Variants in CRAT observed in about 807,000 individuals in gnomAD.
CRAT encodes the protein carnitine acetylase.
A neutral mutation model predicts 73.7 loss-of-function variants in CRAT; 66 were observed. The observed-to-expected ratio is 0.90, with a 90% CI of 0.73 to 1.10. The LOEUF (loss-of-function observed/expected upper bound fraction) is 1.10. Among genes scored for constraint, CRAT ranks in the 50% least tolerant of loss-of-function variants. The pLI, the probability that CRAT is intolerant of heterozygous loss-of-function variation, is 0.00. For synonymous variants in CRAT, 321 were observed against 343.2 expected (o/e 0.94, Z 0.71); for missense variants, 745 against 846.9 (o/e 0.88, Z 1.49).
At position 129,100,569 on chromosome 9, in the gene CRAT, AG is replaced by A. The variant is rs1278896564; in HGVS notation, c.925del (p.Leu309CysfsTer95). The A allele has an allele frequency of 6.2e-7, 1 of 1,613,938 alleles. No individual in the cohort carries two copies. The highest frequency in any genetic ancestry group is 8.5e-7 in the Non-Finnish European group (1 of 1,179,990). On this transcript the variant is annotated frameshift_variant, in exon 7 of 14. Transcript: ENST00000318080. LOFTEE classifies it high-confidence loss of function. ...GTTGAGCCTGCTGCCGCCCCCATGC[AG>A]CATCTGGCCTGCCACGTGGCTGCGG... ...VYRSHVAGQM[L>X]HGGGSRLNSG...
chr9:129,102,604 G>A, intron 4 of CRAT, 39 bp from the exon 5 acceptor site: 2 of 1,609,050 alleles, frequency 1.2e-6, no homozygotes, highest in Admixed American at 3.3e-5. Flanking sequence ...CACTGGGCAA[G>A]TGAATGGGGA....
chr9:129,110,700 C>A lies in CRAT; in HGVS notation c.-191G>T, dbSNP rs1269594639. ...CTGGGCCGAGCGGGCTGCGGGAAGG[C>A]ACCCGGGGAGGAGGACTCGCGAGGC... On this transcript the variant is annotated 5_prime_UTR_variant, in exon 1 of 14. Coordinates refer to ENST00000318080, the MANE Select transcript of CRAT (RefSeq NM_000755.5). This position sits in a 1 kb window ranked among gnomAD's most constrained non-coding sequence, Gnocchi z 5.3. 1.5e-6 allele frequency: 1 copy of A among 687,632 alleles called. No individual in the cohort carries two copies. Among genetic ancestry groups the A allele is most frequent in the Non-Finnish European group, 2.2e-6 (1 of 449,578 alleles). The allele number at this position is 687,632 out of a possible 1,614,324, so 42.6% of individuals were successfully genotyped here.
intron 2 of CRAT, among the ~76,000 whole-genome samples, chr9:129,104,704 A>C (rs1847894072): frequency 6.6e-6 from 1 of 151,014 alleles, no homozygotes; most frequent in Non-Finnish European, 1.5e-5. Context: ...TCCTGGGTTC[A>C]CGCCATTCTC....
Position 129,104,235 on chromosome 9 carries a change from G to C in CRAT, c.363C>G (p.Gly121=). The change falls in exon 3 of 14, where the codon GGC becomes GGG. Residue 121 remains glycine, a synonymous_variant. Coordinates refer to ENST00000318080, the MANE Select transcript of CRAT (RefSeq NM_000755.5). ...RQPVVIYSSP[G]VMLPKQDFVD... is the part of the protein sequence containing the mutation. ...CGAAGTCCTGCTTGGGTAGCATCAC[G>C]CCTGGGCTCGAGTAGATGACCACAG... The C allele has an allele frequency of 6.2e-7, 1 of 1,613,046 alleles. No individual in the cohort carries two copies. Among genetic ancestry groups the C allele is most frequent in the Non-Finnish European group, 8.5e-7 (1 of 1,179,608 alleles).
Position 129,098,570 on chromosome 9 carries a change from A to G in CRAT, c.1166T>C (p.Ile389Thr), listed in dbSNP as rs966504143. 6.2e-7 allele frequency: 1 copy of G among 1,601,418 alleles called. No homozygotes were observed. The highest frequency in any genetic ancestry group is 1.1e-5 in the South Asian group (1 of 88,986). Reference sequence around the variant, plus strand: ...CTTGGCCTTCTCGATGTCGCTCTTGATCTCGGGGGTGATGTTGAACCGCAG... The same window carrying G: ...CTTGGCCTTCTCGATGTCGCTCTTGGTCTCGGGGGTGATGTTGAACCGCAG... ...KKLRFNITPEIKSDIEKAKQN... is the reference protein window; with the variant it reads ...KKLRFNITPETKSDIEKAKQN... Residue 389 changes from isoleucine to threonine, a missense_variant, in exon 9 of 14, where the codon ATC becomes ACC. Ile to Thr is a moderately conservative substitution (Grantham distance 89). Coordinates refer to ENST00000318080, the MANE Select transcript of CRAT (RefSeq NM_000755.5).
chr9:129,104,804 C>G lies in CRAT; in HGVS notation c.292-498G>C, dbSNP rs1450749447. Reference sequence around the variant, plus strand: ...TATTTTTAGTAGAGACGGGGTTTCACCGTGTTAGCCAGGATGGTCTCGATT... The same window carrying G: ...TATTTTTAGTAGAGACGGGGTTTCAGCGTGTTAGCCAGGATGGTCTCGATT... On this transcript the variant is annotated intron_variant, in intron 2 of 13. Coordinates refer to ENST00000318080, the MANE Select transcript of CRAT (RefSeq NM_000755.5). Among the ~76,000 whole-genome samples, 3 of 151,354 alleles carry G rather than the reference C, an allele frequency of 2.0e-5. No homozygotes were observed. In the East Asian group the frequency reaches 5.8e-4, roughly 29 times the overall value.
Position 129,104,382 on chromosome 9 carries a change from T to G in CRAT, c.292-76A>C, listed in dbSNP as rs925387600. 11 of 1,208,758 alleles carry G rather than the reference T, an allele frequency of 9.1e-6. No homozygotes were observed. In the African/African-American group the frequency reaches 1.5e-4, roughly 17 times the overall value. 74.9% of individuals were successfully genotyped at this position (1,208,758 alleles called of 1,614,324 possible). ...CCCTGTTCCCCAGGGCTAGGGGACCTGGCTGGCCCCCATGCCCTCTACCTG... is the reference window on the plus strand; with the variant it reads ...CCCTGTTCCCCAGGGCTAGGGGACCGGGCTGGCCCCCATGCCCTCTACCTG... On this transcript the variant is annotated intron_variant, in intron 2 of 13. Transcript: ENST00000318080.
rs961291070 is a variant in CRAT at position 129,106,513 on chromosome 9, G to A, written c.291+1301C>T. Among the ~76,000 whole-genome samples the A allele has an allele frequency of 2.0e-5, 3 of 152,118 alleles. No individual in the cohort carries two copies. Among genetic ancestry groups the A allele is most frequent in the Non-Finnish European group, 4.4e-5 (3 of 68,004 alleles). ...GAGACCCTTCGGTGGCCCCGTGAGT[G>A]GAAGGAGGGGTGCCCCCACCCCTTT... is the stretch of plus-strand genomic sequence containing the variant. On this transcript the variant is annotated intron_variant, in intron 2 of 13. Coordinates refer to ENST00000318080, the MANE Select transcript of CRAT (RefSeq NM_000755.5). This position sits in a 1 kb window ranked among gnomAD's most constrained non-coding sequence, Gnocchi z 4.0.
intron 2 of CRAT, among the ~76,000 whole-genome samples, chr9:129,104,806 G>A (rs999381048): frequency 8.9e-4 from 134 of 151,056 alleles, no homozygotes; most frequent in South Asian, 1.5e-3. Flanking sequence ...GGGTTTCACC[G>A]TGTTAGCCAG....
Position 129,095,334 on chromosome 9 carries a change from T to G in CRAT, c.*63A>C. 6.5e-7 allele frequency: 1 copy of G among 1,546,156 alleles called. No homozygotes were observed. The highest frequency in any genetic ancestry group is 8.8e-7 in the Non-Finnish European group (1 of 1,132,896). On this transcript the variant is annotated 3_prime_UTR_variant, in exon 14 of 14. Coordinates refer to ENST00000318080, the MANE Select transcript of CRAT (RefSeq NM_000755.5). Reference sequence around the variant, plus strand: ...AAGAGGGAACCAAGGAGCTGAGCCCTGGTGGGTGGCCCATCCCAGGGTGGG... The same window carrying G: ...AAGAGGGAACCAAGGAGCTGAGCCCGGGTGGGTGGCCCATCCCAGGGTGGG...
Position 129,110,057 on chromosome 9 carries a change from C to A in CRAT, c.27+426G>T, listed in dbSNP as rs1342832988. Among the ~76,000 whole-genome samples, 1 of 152,172 alleles carries A rather than the reference C, an allele frequency of 6.6e-6. No individual in the cohort carries two copies. Among genetic ancestry groups the A allele is most frequent in the African/African-American group, 2.4e-5 (1 of 41,446 alleles). On this transcript the variant is annotated intron_variant, in intron 1 of 13. Transcript: ENST00000318080. The surrounding 1 kb of genome is among the most constrained non-coding windows in gnomAD (Gnocchi z 5.3). The stretch of plus-strand genomic sequence containing the variant: ...CCACACACAATTCCCCAGGGACCGT[C>A]TGATAAACCAAAGGAGTGTGACCAA...
Position 129,110,631 on chromosome 9 carries a change from G to T in CRAT, c.-122C>A. ...CTAGAGCCTTCGGGCCAAGGTCGCT[G>T]AGTTACAGCCGCCAGCCGGTAGAGG... On this transcript the variant is annotated 5_prime_UTR_variant, in exon 1 of 14. Coordinates refer to ENST00000318080, the MANE Select transcript of CRAT (RefSeq NM_000755.5). This position sits in a 1 kb window ranked among gnomAD's most constrained non-coding sequence, Gnocchi z 5.3. The T allele has an allele frequency of 1.7e-6, 2 of 1,194,938 alleles. No homozygotes were observed. Among genetic ancestry groups the T allele is most frequent in the Non-Finnish European group, 2.2e-6 (2 of 904,314 alleles). 74.0% of individuals were successfully genotyped at this position (1,194,938 alleles called of 1,614,324 possible).
Position 129,103,674 on chromosome 9 carries a change from A to T in CRAT, c.410+514T>A, listed in dbSNP as rs113189926. 6.6e-6 allele frequency among the ~76,000 whole-genome samples: 1 copy of T among 152,058 alleles called. No individual in the cohort carries two copies. Among genetic ancestry groups the T allele is most frequent in the Non-Finnish European group, 1.5e-5 (1 of 67,976 alleles). ...CTGGGCCTGAACCCCGGCCCTTCCC[A>T]GGGTACCCTGGTCCCTTTAAGAGAA... On this transcript the variant is annotated intron_variant, in intron 3 of 13. Transcript: ENST00000318080. The surrounding 1 kb of genome is among the most constrained non-coding windows in gnomAD (Gnocchi z 4.6).
chr9:129,102,435 G>A lies in CRAT; in HGVS notation c.595C>T (p.Pro199Ser). 6.2e-7 allele frequency: 1 copy of A among 1,614,204 alleles called. No individual in the cohort carries two copies. The highest frequency in any genetic ancestry group is 8.5e-7 in the Non-Finnish European group (1 of 1,180,016). Residue 199 changes from proline (P) to serine (S), a missense_variant, in exon 5 of 14, where the codon CCT becomes TCT. Coordinates refer to ENST00000318080, the MANE Select transcript of CRAT (RefSeq NM_000755.5). Reference sequence around the variant, plus strand: ...TGTACCACGGTGATGTGCGTGGGAGGCTTCTTGGTCTTGCTGAAGTTGCTG... The same window carrying A: ...TGTACCACGGTGATGTGCGTGGGAGACTTCTTGGTCTTGCTGAAGTTGCTG... ...TVSNFSKTKKPPTHITVVHNY... is the reference protein window; with the variant it reads ...TVSNFSKTKKSPTHITVVHNY...
chr9:129,110,546 C>T lies in CRAT; in HGVS notation c.-37G>A. ...GTCCGCGGACACGCAGTCCGCTCCG[C>T]CCCACACACCGGGCAAAGTCCGCGC... On this transcript the variant is annotated 5_prime_UTR_variant, in exon 1 of 14. Coordinates refer to ENST00000318080, the MANE Select transcript of CRAT (RefSeq NM_000755.5). This position sits in a 1 kb window ranked among gnomAD's most constrained non-coding sequence, Gnocchi z 5.3. 1 of 1,564,644 alleles carries T rather than the reference C, an allele frequency of 6.4e-7. No homozygotes were observed. Among genetic ancestry groups the T allele is most frequent in the South Asian group, 1.2e-5 (1 of 85,766 alleles).
At chr9:129,097,129 G>A (rs993397281) in intron 12 of CRAT, 121 bp downstream of exon 12, 2 of 796,924 alleles carry the variant, frequency 2.5e-6, no homozygotes, top group African/African-American at 3.6e-5. Context: ...CTCCCAGGTT[G>A]GGGGAGATGT....
intron 2 of CRAT, among the ~76,000 whole-genome samples, chr9:129,104,806 G>C (rs999381048): frequency 6.6e-6 from 1 of 150,982 alleles, no homozygotes; most frequent in Non-Finnish European, 1.5e-5. Flanking sequence ...GGGTTTCACC[G>C]TGTTAGCCAG....
rs772513852 is a variant in CRAT at position 129,098,631 on chromosome 9, G to A, written c.1105C>T (p.Arg369Trp). Residue 369 changes from arginine to tryptophan, a missense_variant, in exon 9 of 14, where the codon CGG becomes TGG. Transcript: ENST00000318080. ...ATGGGCAGGGGCACCAGGGGAGACC[G>A]CACAAGCTCGGGTTTCTTCCTGCAC... ...IEYTKKPELV[R>W]SPLVPLPMPK... 9 of 1,602,156 alleles carry A rather than the reference G, an allele frequency of 5.6e-6. No individual in the cohort carries two copies. The highest frequency in any genetic ancestry group is 4.1e-5 in the African/African-American group (3 of 73,832).
rs751354831 is a variant in CRAT at position 129,098,591 on chromosome 9, C to T, written c.1145G>A (p.Arg382Gln). ...CTTGATCTCGGGGGTGATGTTGAAC[C>T]GCAGCTTCTTGGGCATGGGCAGGGG... ...LVPLPMPKKL[R>Q]FNITPEIKSD... Residue 382 changes from arginine (R) to glutamine (Q), a missense_variant, in exon 9 of 14, where the codon CGG becomes CAG. By Grantham distance (43) the Arg-to-Gln change is conservative. Transcript: ENST00000318080. The T allele has an allele frequency of 1.5e-5, 24 of 1,599,052 alleles. No individual in the cohort carries two copies. The highest frequency in any genetic ancestry group is 3.4e-5 in the South Asian group (3 of 88,708).
Sources: gnomAD v4.1 joint callset for allele counts (sites outside exome capture counted in the v4.1 genomes callset) on GRCh38, gnomAD v4.1.1 for gene constraint, Gnocchi (gnomAD v3.1) non-coding constraint, MANE v1.5 for transcripts, NCBI Gene and HGNC (gene_info 2026-07-23, HGNC 2026-07-21) for gene names.